NRXN1: variants seen among roughly 807,000 people sequenced by gnomAD.
NRXN1 encodes neurexin-1.
A neutral mutation model predicts 150.9 loss-of-function variants in NRXN1; 39 were observed. The observed-to-expected ratio is 0.26, with a 90% confidence interval of 0.20 to 0.34. NRXN1 has a LOEUF of 0.34. Ranked by LOEUF, NRXN1 falls within the 10% of genes least tolerant of loss-of-function variation. NRXN1 has a pLI of 1.00. For synonymous variants in NRXN1, 924 were observed against 757.0 expected, an observed-to-expected ratio of 1.22 and a Z score of -3.62; for missense variants, 1,815 against 1,949.9, an observed-to-expected ratio of 0.93 and a Z score of 1.30.
At position 50,777,857 on chromosome 2, in the gene NRXN1, G is replaced by A. The variant is rs547763113; in HGVS notation, c.832+144012C>T. ...CTAGCTTCTCCACTTCTTCAAAGAG[G>A]GTAATAATACTGGCTTCACTGACCT... is the stretch of plus-strand genomic sequence containing the variant. On this transcript the variant is annotated intron_variant, in intron 5 of 22. Transcript: ENST00000401669. Among the ~76,000 whole-genome samples, 41 of 152,200 alleles carry A rather than the reference G, an allele frequency of 2.7e-4. No homozygotes were observed. In the South Asian group the frequency reaches 6.4e-3, roughly 24 times the overall value.
chr2:50,317,508 C>T (rs2075708135), intron 17 of NRXN1, among the ~76,000 whole-genome samples: 1 of 151,400 alleles, frequency 6.6e-6, no homozygotes, highest in South Asian at 2.1e-4. Flanking sequence ...ATTACAATTG[C>T]TATACCCAGT....
At chr2:50,179,769 G>T (rs902330995) in intron 18 of NRXN1, among the ~76,000 whole-genome samples, 1 of 151,740 alleles carries the variant, frequency 6.6e-6, no homozygotes, top group African/African-American at 2.4e-5. Flanking sequence ...AGCTCTTAAA[G>T]AAAAAAAATG....
chr2:50,235,236 G>C (rs541151027), intron 18 of NRXN1, among the ~76,000 whole-genome samples: 11 of 152,162 alleles, frequency 7.2e-5, no homozygotes, highest in Non-Finnish European at 2.9e-5. Context: ...ACTCTAAACA[G>C]CAAGATTCCT....
At chr2:50,128,084 G>C (rs1361300078) in intron 18 of NRXN1, among the ~76,000 whole-genome samples, 2 of 152,064 alleles carry the variant, frequency 1.3e-5, no homozygotes, top group African/African-American at 2.4e-5. Context: ...TACTGGGTAA[G>C]AAAAAAAGAT....
At chr2:50,185,649 G>A (rs1205395904) in intron 18 of NRXN1, 3 of 152,044 alleles carry the variant, frequency 2.0e-5, no homozygotes, top group African/African-American at 4.8e-5. Context: ...AGACTCAAAG[G>A]CCTAAATGAT....
At chr2:50,223,239 A>G (rs574444730) in intron 18 of NRXN1, among the ~76,000 whole-genome samples, 20 of 152,102 alleles carry the variant, frequency 1.3e-4, no homozygotes, top group African/African-American at 4.8e-4. Context: ...GAGAAGGACA[A>G]AGTTAAGGAA....
intron 5 of NRXN1, among the ~76,000 whole-genome samples, chr2:50,904,002 G>T (rs552103754): frequency 1.3e-5 from 2 of 152,228 alleles, no homozygotes; most frequent in South Asian, 4.1e-4. Context: ...TTAAAACAGA[G>T]AAAAGACTAT....
At chr2:50,431,354 C>A (rs1558720165) in intron 17 of NRXN1, among the ~76,000 whole-genome samples, 1 of 152,096 alleles carries the variant, frequency 6.6e-6, no homozygotes, top group African/African-American at 2.4e-5. Flanking sequence ...ATCCAAGATA[C>A]TTTAAAAACT....
At chr2:50,182,044 T>G (rs1161688019) in intron 18 of NRXN1, among the ~76,000 whole-genome samples, 1 of 151,420 alleles carries the variant, frequency 6.6e-6, no homozygotes, top group African/African-American at 2.4e-5. Flanking sequence ...AAAAAAAAAA[T>G]GCCTTCACAT....
At chr2:50,596,073 G>T (rs955144735) in intron 8 of NRXN1, among the ~76,000 whole-genome samples, 1 of 152,150 alleles carries the variant, frequency 6.6e-6, no homozygotes, top group African/African-American at 2.4e-5. Flanking sequence ...GCACTGTTAT[G>T]ATCAGGCATC....
intron 5 of NRXN1, among the ~76,000 whole-genome samples, chr2:50,812,021 T>C (rs1192729511): frequency 6.6e-6 from 1 of 152,156 alleles, no homozygotes; most frequent in Admixed American, 6.6e-5. Context: ...CTAACTCTTT[T>C]AATTGTATAC....
At chr2:50,155,012 G>A (rs2058929044) in intron 18 of NRXN1, among the ~76,000 whole-genome samples, 1 of 151,506 alleles carries the variant, frequency 6.6e-6, no homozygotes, top group South Asian at 2.1e-4. Context: ...TGTATCTATA[G>A]TGGAATTTCA....
intron 5 of NRXN1, among the ~76,000 whole-genome samples, chr2:50,813,062 T>C (rs1668447848): frequency 6.6e-6 from 1 of 151,950 alleles, no homozygotes; most frequent in African/African-American, 2.4e-5. Flanking sequence ...ATTGGAGCAG[T>C]GCATGCCTGT....
At chr2:50,314,085 A>T (rs571846966) in intron 17 of NRXN1, among the ~76,000 whole-genome samples, 1 of 152,272 alleles carries the variant, frequency 6.6e-6, no homozygotes, top group Admixed American at 6.5e-5. Context: ...TCTATGCTGA[A>T]GATGAGAGCT....
chr2:50,340,651 A>G (rs6545164), intron 17 of NRXN1, among the ~76,000 whole-genome samples: 57,227 of 151,910 alleles, frequency 0.38, 14,011 homozygotes, highest in African/African-American at 0.69. Context: ...GATTTTAAGA[A>G]ATCCTTATGA....
At chr2:50,449,029 T>C (rs1008962583) in intron 17 of NRXN1, among the ~76,000 whole-genome samples, 4 of 152,226 alleles carry the variant, frequency 2.6e-5, no homozygotes, top group African/African-American at 9.6e-5. Flanking sequence ...TTTGCCAAGA[T>C]CTTCCTGGTT....
At chr2:50,291,567 A>G (rs1299918872) in intron 17 of NRXN1, among the ~76,000 whole-genome samples, 4 of 152,144 alleles carry the variant, frequency 2.6e-5, no homozygotes, top group Non-Finnish European at 5.9e-5. Flanking sequence ...CCATCCTCCC[A>G]TGGATCACAA....
At chr2:50,247,917 G>C (rs984521294) in intron 17 of NRXN1, among the ~76,000 whole-genome samples, 2 of 152,110 alleles carry the variant, frequency 1.3e-5, no homozygotes, top group Non-Finnish European at 2.9e-5. Context: ...GAAGACACAA[G>C]AAGGCTCTTT....
chr2:50,606,203 T>C (rs988956625), intron 8 of NRXN1, among the ~76,000 whole-genome samples: 5 of 136,306 alleles, frequency 3.7e-5, no homozygotes, highest in Non-Finnish European at 7.6e-5. Flanking sequence ...GAGCTAAGAT[T>C]ACGCCACTGC....
Sources: gnomAD v4.1 joint callset for allele counts (sites outside exome capture counted in the v4.1 genomes callset) on GRCh38, gnomAD v4.1.1 for gene constraint, MANE v1.5 for transcripts, NCBI Gene and HGNC (gene_info 2026-07-23, HGNC 2026-07-21) for gene names.